The following PCDHGB6 variants were observed in gnomAD, a reference collection of about 807,000 sequenced individuals.
The protein encoded by PCDHGB6 is protocadherin gamma-B6.
PCDHGB6 carries 51 observed loss-of-function variants against 59.1 expected under a neutral mutation model. That is an observed-to-expected ratio of 0.86 (90% CI 0.69 to 1.09). PCDHGB6 has a LOEUF of 1.09. Ranked by LOEUF, PCDHGB6 falls within the 50% of genes least tolerant of loss-of-function variation. The probability of loss-of-function intolerance (pLI) is 0.00; values close to 1 mark genes in which losing one functional copy is unlikely to be tolerated. For missense variants in PCDHGB6, 1,148 were observed against 1,205.1 expected, an observed-to-expected ratio of 0.95 and a Z score of 0.70; for synonymous variants, 466 against 495.1, an observed-to-expected ratio of 0.94 and a Z score of 0.78.
chr5:141,477,013 T>C lies in PCDHGB6; in HGVS notation c.2419-17794T>C. ...TGCGGCAACTATTCGCCTTAGACCT[T>C]GTAACCGGGATGCTGACAATCAAGG... On this transcript the variant is annotated intron_variant, in intron 1 of 3. Coordinates refer to ENST00000520790, the MANE Select transcript of PCDHGB6 (RefSeq NM_018926.3). The surrounding 1 kb of genome is among the most constrained non-coding windows in gnomAD (Gnocchi z 4.9). 6.2e-7 allele frequency: 1 copy of C among 1,614,204 alleles called. No homozygotes were observed. The highest frequency in any genetic ancestry group is 8.5e-7 in the Non-Finnish European group (1 of 1,180,028).
At chr5:141,481,718 C>T (rs942120251) in intron 1 of PCDHGB6, among the ~76,000 whole-genome samples, 6 of 152,082 alleles carry the variant, frequency 3.9e-5, no homozygotes, top group East Asian at 1.9e-4. Context: ...CTTTGGGAGG[C>T]GGAGGCGGGC....
chr5:141,438,358 G>A (rs1160913890), intron 1 of PCDHGB6, among the ~76,000 whole-genome samples: 1 of 151,634 alleles, frequency 6.6e-6, no homozygotes. Context: ...TCTGTGTATT[G>A]TCATTGAGGG....
intron 1 of PCDHGB6, chr5:141,468,667 CCATCCTGGCTAA>C (rs2099172391): frequency 6.7e-6 from 1 of 149,836 alleles, no homozygotes; most frequent in African/African-American, 2.5e-5. Flanking sequence ...GAGATCAAGA[CCATCCTGGCTAA>C]CACGGTGAAA....
intron 2 of PCDHGB6, among the ~76,000 whole-genome samples, chr5:141,496,353 C>T (rs761547879): frequency 4.6e-5 from 7 of 152,210 alleles, no homozygotes; most frequent in Non-Finnish European, 8.8e-5. Context: ...AGTCTCAGAG[C>T]CCAGGGAGAG....
At position 141,433,142 on chromosome 5, in the gene PCDHGB6, G is replaced by T. The variant is rs2097571106; in HGVS notation, c.2418+22522G>T. On this transcript the variant is annotated intron_variant, in intron 1 of 3. Coordinates refer to ENST00000520790, the MANE Select transcript of PCDHGB6 (RefSeq NM_018926.3). ...AAAAAGCGAGCCCCTTTTGCTGTCA[G>T]GTGATTCGGTATTTTCTAAAGACAG... The T allele has an allele frequency of 4.7e-5, 76 of 1,613,992 alleles. No homozygotes were observed. Among genetic ancestry groups the T allele is most frequent in the Non-Finnish European group, 6.4e-5 (76 of 1,180,016 alleles).
intron 1 of PCDHGB6, chr5:141,427,811 C>T (rs1335555425): frequency 6.6e-7 from 1 of 1,523,180 alleles, no homozygotes; most frequent in Admixed American, 1.7e-5. Flanking sequence ...GCGCACAGAG[C>T]GGGGTGGTGG....
intron 1 of PCDHGB6, chr5:141,492,006 G>T (rs2099736069): frequency 7.8e-6 from 5 of 643,420 alleles, no homozygotes; most frequent in Non-Finnish European, 1.3e-5. Context: ...GGCGATTTCC[G>T]CGGGTGTCGG....
chr5:141,433,192 A>G (rs756991371), intron 1 of PCDHGB6: 1 of 1,585,516 alleles, frequency 6.3e-7, no homozygotes, highest in Non-Finnish European at 8.6e-7. Flanking sequence ...AGGTGAGTTT[A>G]TATCAAATCT....
Position 141,477,060 on chromosome 5 carries a change from C to G in PCDHGB6, c.2419-17747C>G. On this transcript the variant is annotated intron_variant, in intron 1 of 3. Coordinates refer to ENST00000520790, the MANE Select transcript of PCDHGB6 (RefSeq NM_018926.3). The surrounding 1 kb of genome is among the most constrained non-coding windows in gnomAD (Gnocchi z 4.9). ...AAGGGTCGGCTGGACTTCGAGGACA[C>G]CAAACTCCATGAGATTTACATCCAG... The G allele has an allele frequency of 1.2e-6, 2 of 1,614,256 alleles. No individual in the cohort carries two copies. The highest frequency in any genetic ancestry group is 2.2e-5 in the South Asian group (2 of 91,086).
intron 1 of PCDHGB6, among the ~76,000 whole-genome samples, chr5:141,434,021 C>A (rs1023145172): frequency 2.0e-5 from 3 of 152,052 alleles, no homozygotes; most frequent in Admixed American, 2.0e-4. Context: ...TTCTATGATT[C>A]TGGAAGCATG....
chr5:141,408,914 A>G lies in PCDHGB6; in HGVS notation c.712A>G (p.Asn238Asp), dbSNP rs776105035. ...AATTTCTGTCAAGGATACCAATGAT[A>G]ACCCCCCGGTTTTCAGCAGAGACGA... ...IEISVKDTNDNPPVFSRDEYR... is the reference protein window; with the variant it reads ...IEISVKDTNDDPPVFSRDEYR... Residue 238 changes from asparagine (N) to aspartate (D), a missense_variant, in exon 1 of 4, where the codon AAC becomes GAC. By Grantham distance (23) the Asn-to-Asp change is conservative. Coordinates refer to ENST00000520790, the MANE Select transcript of PCDHGB6 (RefSeq NM_018926.3). The G allele has an allele frequency of 1.2e-5, 20 of 1,613,446 alleles. No homozygotes were observed. The South Asian group carries it at 2.1e-4, about 17-fold the overall frequency.
chr5:141,454,892 C>T (rs1389056318), intron 1 of PCDHGB6, among the ~76,000 whole-genome samples: 4 of 146,994 alleles, frequency 2.7e-5, no homozygotes, highest in Non-Finnish European at 5.9e-5. Context: ...ACTGCTAGCA[C>T]CGCCTCCCGG....
intron 1 of PCDHGB6, chr5:141,441,118 G>C (rs1265461098): frequency 6.6e-6 from 1 of 152,212 alleles, no homozygotes; most frequent in Non-Finnish European, 1.5e-5. Flanking sequence ...CCAGTGTACA[G>C]TTGAGACCGA....
chr5:141,419,013 G>A, intron 1 of PCDHGB6: 2 of 1,613,958 alleles, frequency 1.2e-6, no homozygotes, highest in South Asian at 2.2e-5. Flanking sequence ...GTCAGGTGTA[G>A]CTTAAGTAGA....
At chr5:141,420,413 A>T in intron 1 of PCDHGB6, 1 of 1,222,396 alleles carries the variant, frequency 8.2e-7, no homozygotes, top group Non-Finnish European at 1.1e-6. Context: ...GGTTATCATT[A>T]TTAAAACAAA....
Position 141,496,980 on chromosome 5 carries a change from G to A in PCDHGB6, c.2477+2115G>A, listed in dbSNP as rs186715298. On this transcript the variant is annotated intron_variant, in intron 2 of 3. Coordinates refer to ENST00000520790, the MANE Select transcript of PCDHGB6 (RefSeq NM_018926.3). ...GTGGGTAGATCACTTGAGGTCAGGG[G>A]TTTGAGACCAGCCTGGCAGCCAACA... Among the ~76,000 whole-genome samples the A allele has an allele frequency of 1.6e-3, 236 of 152,074 alleles. 2 individuals are homozygous for A. Among genetic ancestry groups the A allele is most frequent in the South Asian group, 7.5e-3 (36 of 4,814 alleles).
chr5:141,455,502 A>G (rs888549465), intron 1 of PCDHGB6, among the ~76,000 whole-genome samples: 12 of 152,206 alleles, frequency 7.9e-5, no homozygotes, highest in African/African-American at 2.7e-4. Flanking sequence ...TCTGATTTGC[A>G]TAGGGCTCAG....
chr5:141,408,846 TGGACGGA>T lies in PCDHGB6; in HGVS notation c.647_653del (p.Asp216GlyfsTer11). The T allele has an allele frequency of 6.2e-7, 1 of 1,613,698 alleles. No homozygotes were observed. The highest frequency in any genetic ancestry group is 8.5e-7 in the Non-Finnish European group (1 of 1,179,828). On this transcript the variant is annotated frameshift_variant, in exon 1 of 4. Transcript: ENST00000520790. LOFTEE classifies it high-confidence loss of function. ...TCTCATAGCTTGATATTGACTGCCTTGGACGGAGGGGACCCACCAAGAAGTGCCACCG... is the reference window on the plus strand; with the variant it reads ...TCTCATAGCTTGATATTGACTGCCTTGGGGACCCACCAAGAAGTGCCACCG...
Position 141,432,794 on chromosome 5 carries a change from G to C in PCDHGB6, c.2418+22174G>C. 3 of 1,614,138 alleles carry C rather than the reference G, an allele frequency of 1.9e-6. No homozygotes were observed. The highest frequency in any genetic ancestry group is 1.7e-5 in the Admixed American group (1 of 60,026). ...AGTCCTGGCGGACCTCGGCAGCCTC[G>C]AGTCTCCAGCTAACTCTGAAACCTC... On this transcript the variant is annotated intron_variant, in intron 1 of 3. Coordinates refer to ENST00000520790, the MANE Select transcript of PCDHGB6 (RefSeq NM_018926.3). The surrounding 1 kb of genome is among the most constrained non-coding windows in gnomAD (Gnocchi z 6.0).
Sources: gnomAD v4.1 joint callset for allele counts (sites outside exome capture counted in the v4.1 genomes callset) on GRCh38, gnomAD v4.1.1 for gene constraint, Gnocchi (gnomAD v3.1) non-coding constraint, MANE v1.5 for transcripts, NCBI Gene and HGNC (gene_info 2026-07-23, HGNC 2026-07-21) for gene names.